The following PICK1 variants were observed in gnomAD, a reference collection of about 807,000 sequenced individuals.
PICK1 encodes protein interacting with PRKCA 1.
A neutral mutation model predicts 48.9 loss-of-function variants in PICK1; 23 were observed. That is an observed-to-expected ratio of 0.47 (90% CI 0.34 to 0.67). The LOEUF is 0.67. Among genes scored for constraint, PICK1 ranks in the 30% least tolerant of loss-of-function variants. The probability of loss-of-function intolerance (pLI) is 0.01; values close to 1 mark genes in which losing one functional copy is unlikely to be tolerated. For missense variants in PICK1, 423 were observed against 557.1 expected (o/e 0.76, Z 2.42); for synonymous variants, 217 against 228.2 (o/e 0.95, Z 0.44).
intron 4 of PICK1, 170 bp from the exon 5 acceptor site, chr22:38,067,534 C>T: frequency 1.5e-6 from 1 of 645,770 alleles, no homozygotes; most frequent in Non-Finnish European, 2.9e-6. Context: ...GTCTCAAACT[C>T]CTGACCTCAA....
chr22:38,067,068 A>C (rs1383428610), intron 4 of PICK1, among the ~76,000 whole-genome samples: 2 of 152,114 alleles, frequency 1.3e-5, no homozygotes, highest in African/African-American at 4.8e-5. Flanking sequence ...CAGTGTAGGG[A>C]AATGACACGG....
intron 3 of PICK1, among the ~76,000 whole-genome samples, chr22:38,061,221 A>G (rs1468456006): frequency 6.6e-6 from 1 of 151,926 alleles, no homozygotes; most frequent in Non-Finnish European, 1.5e-5. Flanking sequence ...GGTTCCTGTA[A>G]TCCCAGCTAC....
rs950493430 is a variant in PICK1 at position 38,074,703 on chromosome 22, G to A, written c.980-161G>A. On this transcript the variant is annotated intron_variant, in intron 12 of 12. Transcript: ENST00000356976. This position sits in a 1 kb window ranked among gnomAD's most constrained non-coding sequence, Gnocchi z 4.5. Reference sequence around the variant, plus strand: ...GAGCGGGGAGGCCCCGGGCTGGGCGGCCCCTGCCTCCGCCCCTTGCCAGGT... The same window carrying A: ...GAGCGGGGAGGCCCCGGGCTGGGCGACCCCTGCCTCCGCCCCTTGCCAGGT... 6.6e-6 allele frequency among the ~76,000 whole-genome samples: 1 copy of A among 152,140 alleles called. No individual in the cohort carries two copies. The highest frequency in any genetic ancestry group is 1.5e-5 in the Non-Finnish European group (1 of 68,020).
intron 3 of PICK1, among the ~76,000 whole-genome samples, chr22:38,064,591 G>A (rs1254301972): frequency 1.3e-5 from 2 of 152,098 alleles, no homozygotes; most frequent in East Asian, 2.0e-4. Flanking sequence ...GAGAAACCCT[G>A]TCTCTACTAA....
At position 38,071,688 on chromosome 22, in the gene PICK1, C is replaced by T. The variant is rs766756193; in HGVS notation, c.500C>T (p.Thr167Met). The change falls in exon 8 of 13, where the codon ACG becomes ATG. Residue 167 changes from threonine (T) to methionine (M), a missense_variant. Coordinates refer to ENST00000356976, the MANE Select transcript of PICK1 (RefSeq NM_012407.4). ...CACTCGGTCTCTCCCACAGGGATGA[C>T]GGAACACACCAAGAACCTCCTACGG... is the stretch of plus-strand genomic sequence containing the variant. ...ERTAELYKGM[T>M]EHTKNLLRAF... 44 of 1,613,102 alleles carry T rather than the reference C, an allele frequency of 2.7e-5. No individual in the cohort carries two copies. Among genetic ancestry groups the T allele is most frequent in the East Asian group, 4.5e-5 (2 of 44,902 alleles).
intron 3 of PICK1, among the ~76,000 whole-genome samples, chr22:38,064,372 G>T (rs1005253190): frequency 1.3e-4 from 19 of 151,684 alleles, no homozygotes; most frequent in Admixed American, 4.6e-4. Flanking sequence ...GTTAATTTTT[G>T]TATGTGGTGT....
chr22:38,071,862 C>T (rs1456098449), intron 8 of PICK1, 118 bp downstream of exon 8: 5 of 881,952 alleles, frequency 5.7e-6, no homozygotes, highest in Non-Finnish European at 9.6e-6. Context: ...TGGGCTGGGC[C>T]TGGTCCCAGG....
In PICK1 at chr22:38,071,732, C is replaced by T. The variant is rs2085700479; in HGVS notation, c.544C>T (p.Gln182Ter). 6.2e-7 allele frequency: 1 copy of T among 1,613,294 alleles called. No individual in the cohort carries two copies. Among genetic ancestry groups the T allele is most frequent in the African/African-American group, 1.3e-5 (1 of 74,926 alleles). ...CCTACGGGCCTTTTATGAGCTGTCG[C>T]AGACTCACCGGGGTAATGGCATCCC... Reference protein sequence around the residue: ...NLLRAFYELSQTHRAFGDVFS... With the variant: ...NLLRAFYELS The change falls in exon 8 of 13, where the codon CAG becomes TAG. Residue 182 changes from glutamine (Q) to a stop codon, truncating the protein, a stop_gained. Transcript: ENST00000356976. LOFTEE classifies it high-confidence loss of function.
At chr22:38,061,604 G>A (rs1352635869) in intron 3 of PICK1, among the ~76,000 whole-genome samples, 1 of 152,094 alleles carries the variant, frequency 6.6e-6, no homozygotes, top group Admixed American at 6.6e-5. Flanking sequence ...CTGCAGCCTT[G>A]ATTTCCCCAG....
chr22:38,071,738 C>G lies in PICK1; in HGVS notation c.550C>G (p.His184Asp), dbSNP rs754970431. ...LRAFYELSQT[H>D]RAFGDVFSVI... is the part of the protein sequence containing the mutation. Reference sequence around the variant, plus strand: ...GGCCTTTTATGAGCTGTCGCAGACTCACCGGGGTAATGGCATCCCCCAAAG... The same window carrying G: ...GGCCTTTTATGAGCTGTCGCAGACTGACCGGGGTAATGGCATCCCCCAAAG... The change falls in exon 8 of 13, where the codon CAC becomes GAC. Residue 184 changes from histidine (H) to aspartate (D), a missense_variant. This residue lies in a region of PICK1 where 279 missense variants were observed against 417.8 expected (regional missense o/e 0.67). Coordinates refer to ENST00000356976, the MANE Select transcript of PICK1 (RefSeq NM_012407.4). The G allele has an allele frequency of 6.2e-7, 1 of 1,613,168 alleles. No homozygotes were observed. The highest frequency in any genetic ancestry group is 1.7e-5 in the Admixed American group (1 of 60,032).
At chr22:38,057,678 T>C (rs1029669189) in intron 1 of PICK1, 75 bp from the exon 2 acceptor site, 1 of 749,044 alleles carries the variant, frequency 1.3e-6, no homozygotes, top group African/African-American at 1.7e-5. Context: ...TATGAGGTGG[T>C]GGAGGGAGGG....
intron 2 of PICK1, among the ~76,000 whole-genome samples, chr22:38,058,769 C>T (rs1178887020): frequency 6.6e-6 from 1 of 152,158 alleles, no homozygotes; most frequent in Admixed American, 6.6e-5. Context: ...CTTTGGGAGG[C>T]TGAGGCAGGC....
At chr22:38,070,989 C>T in intron 7 of PICK1, 98 bp downstream of exon 7, 2 of 884,478 alleles carry the variant, frequency 2.3e-6, no homozygotes, top group South Asian at 1.3e-5. Flanking sequence ...GAATGCCAGC[C>T]TACAAAATAC....
At chr22:38,059,517 G>A (rs1413193771) in intron 3 of PICK1, among the ~76,000 whole-genome samples, 172 bp downstream of exon 3, 2 of 152,184 alleles carry the variant, frequency 1.3e-5, no homozygotes, top group Non-Finnish European at 2.9e-5. Context: ...CTTCTCCCCT[G>A]TGTCGCTCTG....
At chr22:38,072,932 G>C (rs911174923) in intron 9 of PICK1, 68 bp from the exon 10 acceptor site, 3 of 1,021,520 alleles carry the variant, frequency 2.9e-6, no homozygotes, top group African/African-American at 3.2e-5. Flanking sequence ...TGACGCATCA[G>C]TGCCATTCAT....
At chr22:38,072,429 C>T in intron 8 of PICK1, 48 bp from the exon 9 acceptor site, 2 of 1,601,974 alleles carry the variant, frequency 1.2e-6, no homozygotes, top group South Asian at 1.1e-5. Flanking sequence ...CCTGGCTTCT[C>T]TTAGGGGGCC....
At position 38,066,834 on chromosome 22, in the gene PICK1, G is replaced by A. The variant is rs191880749; in HGVS notation, c.283-870G>A. Among the ~76,000 whole-genome samples, 5 of 152,348 alleles carry A rather than the reference G, an allele frequency of 3.3e-5. No individual in the cohort carries two copies. Among genetic ancestry groups the A allele is most frequent in the African/African-American group, 7.2e-5 (3 of 41,588 alleles). On this transcript the variant is annotated intron_variant, in intron 4 of 12. Coordinates refer to ENST00000356976, the MANE Select transcript of PICK1 (RefSeq NM_012407.4). The surrounding 1 kb of genome is among the most constrained non-coding windows in gnomAD (Gnocchi z 4.1). ...ATGAGAGTGAACACAGCGCCCTCCC[G>A]TGCTCAGGCAAGTCCTCTTGGGAGA...
In PICK1 at chr22:38,067,706, G is replaced by C. The variant is rs1569199981; in HGVS notation, c.285G>C (p.Gly95=). 1 of 1,613,660 alleles carries C rather than the reference G, an allele frequency of 6.2e-7. No individual in the cohort carries two copies. Among genetic ancestry groups the C allele is most frequent in the Non-Finnish European group, 8.5e-7 (1 of 1,179,598 alleles). ...GTCTGTGTGTGCTGCTCTTCCAGGG[G>C]GAGGTGACCATCCACTACAACAAGC... The part of the protein sequence containing the change: ...EVAKMIQEVK[G]EVTIHYNKLQ... The change falls in exon 5 of 13, where the codon GGG becomes GGC. Residue 95 remains glycine (G), a splice_region_variant and synonymous_variant. Transcript: ENST00000356976.
In PICK1 at chr22:38,065,148, G is replaced by A. The variant is rs779941301; in HGVS notation, c.282+18G>A. 17 of 1,611,606 alleles carry A rather than the reference G, an allele frequency of 1.1e-5. No individual in the cohort carries two copies. Among genetic ancestry groups the A allele is most frequent in the Middle Eastern group, 1.7e-4 (1 of 6,050 alleles). The stretch of plus-strand genomic sequence containing the variant: ...AGGTGAAGGTAAGGGCTGCTGCAGA[G>A]CAGGTGTCCAGAGGCAGCAACACAT... On this transcript the variant is annotated intron_variant, in intron 4 of 12. Transcript: ENST00000356976.
Sources: allele counts gnomAD v4.1 joint callset (sites outside exome capture counted in the v4.1 genomes callset), GRCh38; gene constraint gnomAD v4.1.1; regional missense constraint gnomAD v4.1.1; non-coding constraint Gnocchi (gnomAD v3.1); transcripts MANE v1.5; gene names NCBI Gene and HGNC (gene_info 2026-07-23, HGNC 2026-07-21).